CABIN1: variants seen among roughly 807,000 people sequenced by gnomAD.
CABIN1 encodes calcineurin-binding protein cabin-1.
Under a neutral mutation model 227.7 loss-of-function variants are expected in CABIN1, and 133 were observed. That is an observed-to-expected ratio of 0.58 (90% CI 0.51 to 0.67). The LOEUF (loss-of-function observed/expected upper bound fraction) is 0.67. CABIN1 is among the 30% of genes least tolerant of loss of function. The pLI, the probability that CABIN1 is intolerant of heterozygous loss-of-function variation, is 0.00. For synonymous variants in CABIN1, 1,086 were observed against 1,155.1 expected (o/e 0.94, Z 1.21); for missense variants, 2,408 against 2,852.5 (o/e 0.84, Z 3.55).
chr22:24,044,544 T>C (rs1338133505), intron 6 of CABIN1, among the ~76,000 whole-genome samples: 1 of 152,248 alleles, frequency 6.6e-6, no homozygotes, highest in Non-Finnish European at 1.5e-5. Flanking sequence ...TAAGTTCTGG[T>C]TCCTTTTTGC....
chr22:24,029,141 G>A lies in CABIN1; in HGVS notation c.-74-6303G>A, dbSNP rs192511184. ...GGCCGAGACAGGTGGATCGCTTGAG[G>A]CCAGGAGTTTGAAACCAGCCTGGCT... On this transcript the variant is annotated intron_variant, in intron 1 of 36. Coordinates refer to ENST00000263119, the MANE Select transcript of CABIN1 (RefSeq NM_012295.4). Among the ~76,000 whole-genome samples, 30 of 152,270 alleles carry A rather than the reference G, an allele frequency of 2.0e-4. No individual in the cohort carries two copies. In the East Asian group the frequency reaches 5.4e-3, roughly 27 times the overall value.
chr22:24,164,681 GA>G (rs2046348934), intron 30 of CABIN1, 118 bp downstream of exon 30: 4 of 1,201,796 alleles, frequency 3.3e-6, no homozygotes, highest in Non-Finnish European at 3.6e-6. Flanking sequence ...TGGGAGCCTG[GA>G]CCAGCTCTTC....
chr22:24,174,056 G>A (rs940375153), intron 34 of CABIN1, among the ~76,000 whole-genome samples: 1 of 151,136 alleles, frequency 6.6e-6, no homozygotes. Context: ...TGTTGGCCAA[G>A]CTGGTCTTGA....
chr22:24,026,896 C>T (rs2036131936), intron 1 of CABIN1, among the ~76,000 whole-genome samples: 1 of 152,178 alleles, frequency 6.6e-6, no homozygotes, highest in Non-Finnish European at 1.5e-5. Flanking sequence ...ATCTTTCTGT[C>T]AGCTTATCTA....
At chr22:24,165,170 C>T (rs1398700752) in intron 30 of CABIN1, among the ~76,000 whole-genome samples, 1 of 152,244 alleles carries the variant, frequency 6.6e-6, no homozygotes, top group Non-Finnish European at 1.5e-5. Context: ...GGCTGTCTCA[C>T]TCACCTACCA....
At chr22:24,127,605 C>T (rs2043813379) in intron 28 of CABIN1, among the ~76,000 whole-genome samples, 1 of 152,086 alleles carries the variant, frequency 6.6e-6, no homozygotes, top group African/African-American at 2.4e-5. Flanking sequence ...TGAATGATTC[C>T]ACTTAGATGA....
intron 29 of CABIN1, among the ~76,000 whole-genome samples, chr22:24,136,524 A>ATTTTTTTTTTTTTTTTTTTTTTTTT (rs145864566): frequency 8.6e-5 from 6 of 69,878 alleles, no homozygotes; most frequent in African/African-American, 2.4e-4. Context: ...TAATTTTTGT[A>ATTTTTTTTTTTTTTTTTTTTTTTTT]TTTTTTTTTT....
intron 10 of CABIN1, among the ~76,000 whole-genome samples, chr22:24,058,107 C>T (rs1250297501): frequency 6.6e-6 from 1 of 152,206 alleles, no homozygotes; most frequent in Non-Finnish European, 1.5e-5. Context: ...TCATAGCTCA[C>T]TGTGGCCTTG....
intron 29 of CABIN1, among the ~76,000 whole-genome samples, chr22:24,147,542 A>G (rs553326741): frequency 8.3e-4 from 124 of 149,728 alleles, no homozygotes; most frequent in African/African-American, 2.4e-3. Flanking sequence ...TCGACCTCCC[A>G]TGCTCAAGTG....
rs1555912462 is a variant in CABIN1, at chr22:24,042,836, G to GTGTGTGTGTGTTTGCCCTCTGCT, written c.346-57_346-56insTTGCCCTCTGCTTGTGTGTGTGT. 27 of 672,304 alleles carry GTGTGTGTGTGTTTGCCCTCTGCT rather than the reference G, an allele frequency of 4.0e-5. No homozygotes were observed. The African/African-American group carries it at 4.1e-4, about 10-fold the overall frequency. 41.6% of individuals were successfully genotyped at this position (672,304 alleles called of 1,614,324 possible). On this transcript the variant is annotated intron_variant, in intron 5 of 36. Coordinates refer to ENST00000263119, the MANE Select transcript of CABIN1 (RefSeq NM_012295.4). ...GATCTGACTGTGTGTGTGTGTGTGT[G>GTGTGTGTGTGTTTGCCCTCTGCT]TGTGTGTGTGTGTGTGTGTGTGTGT...
intron 2 of CABIN1, among the ~76,000 whole-genome samples, 172 bp downstream of exon 2, chr22:24,035,692 T>C (rs956934232): frequency 6.6e-6 from 1 of 152,124 alleles, no homozygotes; most frequent in Non-Finnish European, 1.5e-5. Context: ...GCCTGGTGGT[T>C]GAAGCGGCTT....
Position 24,164,414 on chromosome 22 carries a change from C to A in CABIN1, c.4761C>A (p.Ile1587=), listed in dbSNP as rs375668776. 3 of 1,603,868 alleles carry A rather than the reference C, an allele frequency of 1.9e-6. No homozygotes were observed. The highest frequency in any genetic ancestry group is 1.3e-5 in the African/African-American group (1 of 75,048). Residue 1587 remains isoleucine (I), a synonymous_variant, in exon 30 of 37, where the codon ATC becomes ATA. Transcript: ENST00000263119. ...KTNFFNGIWR[I]PVDEIDRPGS... ...CCATCCCACAGGGCATCTGGCGGAT[C>A]CCCGTGGACGAGATTGACCGGCCGG...
intron 16 of CABIN1, among the ~76,000 whole-genome samples, chr22:24,068,838 G>T (rs1283325052): frequency 6.6e-6 from 1 of 152,136 alleles, no homozygotes; most frequent in Non-Finnish European, 1.5e-5. Context: ...TGCTTAGACA[G>T]TCTTTCCAAG....
At chr22:24,173,842 G>A (rs941687998) in intron 34 of CABIN1, among the ~76,000 whole-genome samples, 4 of 152,134 alleles carry the variant, frequency 2.6e-5, no homozygotes, top group South Asian at 2.1e-4. Context: ...TAAAAAAAAC[G>A]AACTGCAGTG....
At position 24,035,504 on chromosome 22, in the gene CABIN1, G is replaced by T. The variant is rs753788122; in HGVS notation, c.-14G>T. 97 of 1,614,042 alleles carry T rather than the reference G, an allele frequency of 6.0e-5. No individual in the cohort carries two copies. Among genetic ancestry groups the T allele is most frequent in the Non-Finnish European group, 8.1e-5 (96 of 1,180,032 alleles). On this transcript the variant is annotated 5_prime_UTR_variant, in exon 2 of 37. The change creates a premature stop within an existing upstream ORF in the 5' untranslated region. Transcript: ENST00000263119. The stretch of plus-strand genomic sequence containing the variant: ...GAGAAGTGATGCTCGTGGCAGTGCT[G>T]AATCTCTCTGAATATGGTAAGGACT...
Position 24,176,258 on chromosome 22 carries a change from A to G in CABIN1, c.6188A>G (p.Glu2063Gly). 1 of 1,604,058 alleles carries G rather than the reference A, an allele frequency of 6.2e-7. No homozygotes were observed. Among genetic ancestry groups the G allele is most frequent in the Non-Finnish European group, 8.5e-7 (1 of 1,176,770 alleles). ...PAEAALGTGA[E>G]PTCSQEGKLR... is the part of the protein sequence containing the mutation. ...GAGGCTGCCCTGGGCACAGGCGCTG[A>G]GCCCACCTGCAGCCAGGGTAAGGCG... Residue 2063 changes from glutamate to glycine, a missense_variant, in exon 35 of 37, where the codon GAG (glutamate) becomes GGG (glycine). Glu to Gly is a moderately conservative substitution (Grantham distance 98, BLOSUM62 -2). Coordinates refer to ENST00000263119, the MANE Select transcript of CABIN1 (RefSeq NM_012295.4).
rs556308783 is a variant in CABIN1, at chr22:24,050,898, C to A, written c.730C>A (p.Arg244=). Residue 244 remains arginine (R), a synonymous_variant, in exon 8 of 37, where the codon CGA becomes AGA. Coordinates refer to ENST00000263119, the MANE Select transcript of CABIN1 (RefSeq NM_012295.4). ...GATTGTAGATGAGGCCTTGGGGCTG[C>A]GAAAAAAGAGGCAAGCGCTGATTGT... ...QAIVDEALGL[R]KKRQALIVRE... is the part of the protein sequence containing the mutation. The A allele has an allele frequency of 5.6e-6, 9 of 1,613,956 alleles. 1 individual carries two copies. The highest frequency in any genetic ancestry group is 7.6e-6 in the Non-Finnish European group (9 of 1,180,020).
At chr22:24,164,702 G>C in intron 30 of CABIN1, 139 bp downstream of exon 30, 1 of 1,033,246 alleles carries the variant, frequency 9.7e-7, no homozygotes, top group Non-Finnish European at 1.4e-6. Flanking sequence ...CATTCTCCTT[G>C]GGGGCCTCTC....
chr22:24,043,929 A>G (rs370818853), intron 6 of CABIN1, among the ~76,000 whole-genome samples: 1 of 152,366 alleles, frequency 6.6e-6, no homozygotes, highest in East Asian at 1.9e-4. Flanking sequence ...CCATTCCAAC[A>G]GGGAGAAATA....
Sources: gnomAD v4.1 joint callset for allele counts (sites outside exome capture counted in the v4.1 genomes callset) on GRCh38, gnomAD v4.1.1 for gene constraint, MANE v1.5 for transcripts, NCBI Gene and HGNC (gene_info 2026-07-23, HGNC 2026-07-21) for gene names.